Variants in GALNT18 observed in about 807,000 individuals in gnomAD.
GALNT18 encodes GalNAc-transferase 18.
In GALNT18, 44 loss-of-function variants were observed where a neutral mutation model predicts 69.5. That is an observed-to-expected ratio of 0.63 (90% CI 0.50 to 0.81). GALNT18 has a LOEUF of 0.81. Ranked by LOEUF, GALNT18 falls within the 40% of genes least tolerant of loss-of-function variation. The probability of loss-of-function intolerance (pLI) is 0.00; values close to 1 mark genes in which losing one functional copy is unlikely to be tolerated. For missense variants in GALNT18, 715 were observed against 810.0 expected, an observed-to-expected ratio of 0.88 and a Z score of 1.42; for synonymous variants, 364 against 318.2, an observed-to-expected ratio of 1.14 and a Z score of -1.53.
At chr11:11,348,889 G>A (rs1182455006) in intron 6 of GALNT18, among the ~76,000 whole-genome samples, 1 of 152,190 alleles carries the variant, frequency 6.6e-6, no homozygotes, top group Non-Finnish European at 1.5e-5. Context: ...CTCTGTGTGT[G>A]TGTGCAGCTT....
chr11:11,443,484 T>C (rs1431136189), intron 2 of GALNT18, among the ~76,000 whole-genome samples: 1 of 152,052 alleles, frequency 6.6e-6, no homozygotes, highest in South Asian at 2.1e-4. Context: ...GACTTGATGT[T>C]TCCTTTTCCT....
chr11:11,514,476 C>T (rs1288732967), intron 1 of GALNT18, among the ~76,000 whole-genome samples: 2 of 152,176 alleles, frequency 1.3e-5, no homozygotes, highest in African/African-American at 4.8e-5. Context: ...CCTGGCATCT[C>T]TGAGCGTGAA....
chr11:11,432,041 G>T lies in GALNT18; in HGVS notation c.595+580C>A, dbSNP rs1339697606. On this transcript the variant is annotated intron_variant, in intron 3 of 10. Coordinates refer to ENST00000227756, the MANE Select transcript of GALNT18 (RefSeq NM_198516.3). This position sits in a 1 kb window ranked among gnomAD's most constrained non-coding sequence, Gnocchi z 5.8. ...TTAGTGATTTGATGGCTTCAACAAG[G>T]TGTTTGCAGGCCACCCAGGGTCTGG... is the stretch of plus-strand genomic sequence containing the variant. Among the ~76,000 whole-genome samples the T allele has an allele frequency of 1.3e-5, 2 of 152,182 alleles. No homozygotes were observed. Among genetic ancestry groups the T allele is most frequent in the Admixed American group, 6.5e-5 (1 of 15,284 alleles).
intron 6 of GALNT18, among the ~76,000 whole-genome samples, chr11:11,355,090 G>A (rs764541148): frequency 7.2e-5 from 11 of 152,214 alleles, no homozygotes; most frequent in African/African-American, 1.4e-4. Flanking sequence ...GTCTTTCTGC[G>A]TTGTCGTGTT....
chr11:11,274,660 C>T (rs551496494), intron 10 of GALNT18, among the ~76,000 whole-genome samples: 6 of 152,312 alleles, frequency 3.9e-5, no homozygotes, highest in Admixed American at 2.6e-4. Flanking sequence ...ATCAACCTGT[C>T]ACCTACATTA....
chr11:11,532,928 G>A (rs1416483623), intron 1 of GALNT18, among the ~76,000 whole-genome samples: 1 of 152,156 alleles, frequency 6.6e-6, no homozygotes, highest in East Asian at 1.9e-4. Context: ...TTAACTAGAT[G>A]GCAATAAGGG....
chr11:11,519,367 G>T (rs1857346126), intron 1 of GALNT18, among the ~76,000 whole-genome samples: 1 of 152,220 alleles, frequency 6.6e-6, no homozygotes, highest in Non-Finnish European at 1.5e-5. Context: ...CCTTCCAGGA[G>T]CCCAGCAAGA....
chr11:11,294,213 G>A (rs2133007311), intron 9 of GALNT18, among the ~76,000 whole-genome samples: 1 of 152,152 alleles, frequency 6.6e-6, no homozygotes, highest in East Asian at 1.9e-4. Flanking sequence ...TCCCTCCCAG[G>A]GGCGTTGCAC....
intron 6 of GALNT18, among the ~76,000 whole-genome samples, chr11:11,344,254 TG>T (rs1332182653): frequency 2.8e-4 from 4 of 14,074 alleles, no homozygotes; most frequent in African/African-American, 3.2e-4. Flanking sequence ...TCCTCTCACA[TG>T]GGTCTTTTTC....
chr11:11,566,942 T>C (rs1209019973), intron 1 of GALNT18, among the ~76,000 whole-genome samples: 2 of 152,160 alleles, frequency 1.3e-5, no homozygotes, highest in Non-Finnish European at 2.9e-5. Context: ...GAGAAGGTCA[T>C]TTGAATGGGA....
At chr11:11,351,086 T>C (rs906764338) in intron 6 of GALNT18, among the ~76,000 whole-genome samples, 3 of 152,080 alleles carry the variant, frequency 2.0e-5, no homozygotes, top group Non-Finnish European at 2.9e-5. Flanking sequence ...TAGGGACAGA[T>C]GGAGTGTCTG....
chr11:11,316,613 G>T (rs1849760147), intron 9 of GALNT18, among the ~76,000 whole-genome samples: 1 of 152,182 alleles, frequency 6.6e-6, no homozygotes, highest in African/African-American at 2.4e-5. Flanking sequence ...ACGTCAGAAG[G>T]AATTAAAGTC....
At chr11:11,615,531 C>A (rs1236247207) in intron 1 of GALNT18, among the ~76,000 whole-genome samples, 1 of 152,090 alleles carries the variant, frequency 6.6e-6, no homozygotes, top group Non-Finnish European at 1.5e-5. Flanking sequence ...TACAAGAACA[C>A]CACCCAGAAA....
At chr11:11,476,744 G>T (rs1034861164) in intron 1 of GALNT18, among the ~76,000 whole-genome samples, 5 of 152,270 alleles carry the variant, frequency 3.3e-5, no homozygotes, top group African/African-American at 1.2e-4. Flanking sequence ...TGATGTGACA[G>T]GTGCAAGGAG....
intron 9 of GALNT18, among the ~76,000 whole-genome samples, chr11:11,326,622 T>C (rs948012713): frequency 6.6e-6 from 1 of 152,112 alleles, no homozygotes; most frequent in African/African-American, 2.4e-5. Flanking sequence ...AGAAGGACCA[T>C]GGCTATAAAT....
In GALNT18 at chr11:11,383,363, A is replaced by G. The variant is rs1853967514; in HGVS notation, c.596-4099T>C. Among the ~76,000 whole-genome samples the G allele has an allele frequency of 6.6e-6, 1 of 152,180 alleles. No individual in the cohort carries two copies. The highest frequency in any genetic ancestry group is 2.1e-4 in the South Asian group (1 of 4,834). On this transcript the variant is annotated intron_variant, in intron 3 of 10. Transcript: ENST00000227756. The surrounding 1 kb of genome is among the most constrained non-coding windows in gnomAD (Gnocchi z 5.2). ...GCTGAGCCGGAAGGGTCTGGCATGG[A>G]GGCTGTTAATCTGATTTAAGTACTT...
chr11:11,435,627 C>T lies in GALNT18; in HGVS notation c.429-2840G>A, dbSNP rs567907275. Among the ~76,000 whole-genome samples, 1 of 152,194 alleles carries T rather than the reference C, an allele frequency of 6.6e-6. No individual in the cohort carries two copies. The highest frequency in any genetic ancestry group is 2.4e-5 in the African/African-American group (1 of 41,448). ...TGTGCTGTCTCCCAACCTTGGACCACAGTCTGGCACTTAGTAGGCACTCCA... is the reference window on the plus strand; with the variant it reads ...TGTGCTGTCTCCCAACCTTGGACCATAGTCTGGCACTTAGTAGGCACTCCA... On this transcript the variant is annotated intron_variant, in intron 2 of 10. Transcript: ENST00000227756. This position sits in a 1 kb window ranked among gnomAD's most constrained non-coding sequence, Gnocchi z 4.4.
chr11:11,447,704 T>C (rs1168449221), intron 2 of GALNT18, among the ~76,000 whole-genome samples: 1 of 152,124 alleles, frequency 6.6e-6, no homozygotes, highest in African/African-American at 2.4e-5. Flanking sequence ...CAGACGCTTA[T>C]AAAACCATCA....
In GALNT18 at chr11:11,340,257, T is replaced by A. The variant is rs1380074884; in HGVS notation, c.1278+562A>T. 1.4e-5 allele frequency among the ~76,000 whole-genome samples: 1 copy of A among 71,682 alleles called. No homozygotes were observed. Among genetic ancestry groups the A allele is most frequent in the Non-Finnish European group, 2.6e-5 (1 of 38,444 alleles). The allele number at this position is 71,682 out of a possible 152,430, so 47.0% of individuals were successfully genotyped here. A position where few individuals can be genotyped will look rare whatever the true frequency, so the allele number is the denominator to read the frequency against. On this transcript the variant is annotated intron_variant, in intron 7 of 10. Coordinates refer to ENST00000227756, the MANE Select transcript of GALNT18 (RefSeq NM_198516.3). The surrounding 1 kb of genome is among the most constrained non-coding windows in gnomAD (Gnocchi z 4.2). ...AGGTGACCAGAGGGATAGAGGACAG[T>A]GGCAGGCAATGATGAGGCTCTGTGA... is the stretch of plus-strand genomic sequence containing the variant.
Sources: allele counts gnomAD v4.1 joint callset (sites outside exome capture counted in the v4.1 genomes callset), GRCh38; gene constraint gnomAD v4.1.1; non-coding constraint Gnocchi (gnomAD v3.1); transcripts MANE v1.5; gene names NCBI Gene and HGNC (gene_info 2026-07-23, HGNC 2026-07-21).